MON2: variants seen among roughly 807,000 people sequenced by gnomAD.
The protein encoded by MON2 is MON2 regulator of endosome-to-Golgi trafficking, also known as protein MON2 homolog.
A neutral mutation model predicts 208.6 loss-of-function variants in MON2; 84 were observed. That is an observed-to-expected ratio of 0.40 (90% CI 0.34 to 0.48). The LOEUF is 0.48. Ranked by LOEUF, MON2 falls within the 20% of genes least tolerant of loss-of-function variation. The pLI is 0.59. For synonymous variants in MON2, 660 were observed against 694.0 expected, an observed-to-expected ratio of 0.95 and a Z score of 0.77; for missense variants, 1,611 against 2,015.4, an observed-to-expected ratio of 0.80 and a Z score of 3.84.
At chr12:62,507,889 C>T (rs2071186875) in intron 7 of MON2, among the ~76,000 whole-genome samples, 1 of 152,130 alleles carries the variant, frequency 6.6e-6, no homozygotes, top group Non-Finnish European at 1.5e-5. Context: ...CCACCTCAGC[C>T]TCCCAAATTG....
rs869193690 is a variant in MON2 at position 62,557,962 on chromosome 12, ATTTTTTTTTT to A, written c.3409+1790_3409+1799del. Among the ~76,000 whole-genome samples the A allele has an allele frequency of 4.8e-4, 10 of 20,862 alleles. No homozygotes were observed. The East Asian group carries it at 0.024, about 49-fold the overall frequency. The allele number at this position is 20,862 out of a possible 152,430, so 13.7% of individuals were successfully genotyped here. A position where few individuals can be genotyped will look rare whatever the true frequency, so the allele number is the denominator to read the frequency against. ...TATATATATATATATATATATATAT[ATTTTTTTTTT>A]TTTTTTTTTTTTTTTTTTTGAGATG... On this transcript the variant is annotated intron_variant, in intron 25 of 34. Transcript: ENST00000393630.
At chr12:62,589,363 C>T (rs7953138) in intron 34 of MON2, among the ~76,000 whole-genome samples, 53,689 of 152,004 alleles carry the variant, frequency 0.35, 10,094 homozygotes, top group Middle Eastern at 0.45. Context: ...AAGTAGATTC[C>T]TAGTAAATTA....
chr12:62,505,417 A>G (rs778887426), intron 7 of MON2, among the ~76,000 whole-genome samples: 4 of 152,170 alleles, frequency 2.6e-5, no homozygotes, highest in Non-Finnish European at 4.4e-5. Flanking sequence ...AGGGCATGGT[A>G]CTCTGGAACT....
At chr12:62,532,781 TC>T in intron 12 of MON2, 111 bp downstream of exon 12, 1 of 744,374 alleles carries the variant, frequency 1.3e-6, no homozygotes. Flanking sequence ...TTAACCACTT[TC>T]CCACATTTAC....
At chr12:62,557,962 ATT>A (rs869193690) in intron 25 of MON2, among the ~76,000 whole-genome samples, 20 of 20,828 alleles carry the variant, frequency 9.6e-4, no homozygotes, top group Non-Finnish European at 1.1e-3. Context: ...ATATATATAT[ATT>A]TTTTTTTTTT....
intron 8 of MON2, among the ~76,000 whole-genome samples, chr12:62,512,549 T>C (rs549190193): frequency 6.6e-6 from 1 of 152,322 alleles, no homozygotes; most frequent in South Asian, 2.1e-4. Flanking sequence ...CTTGGGCAGC[T>C]CCACTCCTGT....
rs1369243475 is a variant in MON2, at chr12:62,565,228, CT to C, written c.4033-5del. On this transcript the variant is annotated splice_polypyrimidine_tract_variant and splice_region_variant and intron_variant, in intron 26 of 34. Coordinates refer to ENST00000393630, the MANE Select transcript of MON2 (RefSeq NM_015026.3). Reference sequence around the variant, plus strand: ...TATGCATTCTAATGTTCTTATTTTGCTTTTATAGGCCATTTGTGTAGGACCA... The same window carrying C: ...TATGCATTCTAATGTTCTTATTTTGCTTTATAGGCCATTTGTGTAGGACCA... 3 of 1,610,558 alleles carry C rather than the reference CT, an allele frequency of 1.9e-6. No homozygotes were observed. Among genetic ancestry groups the C allele is most frequent in the Non-Finnish European group, 2.5e-6 (3 of 1,178,126 alleles).
At chr12:62,468,164 A>AC (rs981566621) in intron 1 of MON2, among the ~76,000 whole-genome samples, 2 of 151,236 alleles carry the variant, frequency 1.3e-5, no homozygotes, top group Admixed American at 1.3e-4. Context: ...CTAAAAAAAA[A>AC]AAACAAACAA....
chr12:62,499,101 T>G (rs565510668), intron 5 of MON2, 53 bp downstream of exon 5: 1 of 1,580,106 alleles, frequency 6.3e-7, no homozygotes, highest in South Asian at 1.2e-5. Context: ...ATGATTTCAT[T>G]TGTATTAACT....
chr12:62,592,966 T>C lies in MON2; in HGVS notation c.*217T>C. ...ACAGCAGTGTAAGGCTTTAATAAAT[T>C]AAACTGATGGGAGGGATAATTAACA... On this transcript the variant is annotated 3_prime_UTR_variant, in exon 35 of 35. Transcript: ENST00000393630. 4.8e-6 allele frequency: 2 copies of C among 416,196 alleles called. No homozygotes were observed. The highest frequency in any genetic ancestry group is 1.2e-4 in the South Asian group (2 of 17,238). 25.8% of individuals were successfully genotyped at this position (416,196 alleles called of 1,614,324 possible). A position where few individuals can be genotyped will look rare whatever the true frequency, so the allele number is the denominator to read the frequency against.
At chr12:62,580,511 T>C in intron 32 of MON2, 91 bp downstream of exon 32, 1 of 1,122,304 alleles carries the variant, frequency 8.9e-7, no homozygotes, top group Non-Finnish European at 1.3e-6. Context: ...TTTGGTAATG[T>C]AAACTGGAGA....
At chr12:62,591,879 A>G (rs1290157398) in intron 34 of MON2, among the ~76,000 whole-genome samples, 1 of 152,208 alleles carries the variant, frequency 6.6e-6, no homozygotes, top group Non-Finnish European at 1.5e-5. Flanking sequence ...AATACCTAAA[A>G]GTCTAAAAAA....
chr12:62,467,302 T>G lies in MON2; in HGVS notation c.95T>G (p.Phe32Cys). The G allele has an allele frequency of 6.2e-7, 1 of 1,613,926 alleles. No homozygotes were observed. The highest frequency in any genetic ancestry group is 8.5e-7 in the Non-Finnish European group (1 of 1,179,940). Reference protein sequence around the residue: ...RALSLECKKKFPPVKEAAESG... With the variant: ...RALSLECKKKCPPVKEAAESG... ...TTGTCACTGGAGTGCAAGAAGAAAT[T>G]CCCACCTGTCAAAGAGGTAAGCTTC... The change falls in exon 1 of 35, where the codon TTC (phenylalanine) becomes TGC (cysteine). Residue 32 changes from phenylalanine to cysteine, a missense_variant. Physicochemically the swap from Phe to Cys is radical, Grantham distance 205. Transcript: ENST00000393630.
At chr12:62,491,201 A>G (rs537789955) in intron 2 of MON2, among the ~76,000 whole-genome samples, 1 of 152,318 alleles carries the variant, frequency 6.6e-6, no homozygotes, top group Admixed American at 6.5e-5. Context: ...TGGTAAGATG[A>G]ATAAAGCACC....
chr12:62,547,866 G>A (rs543688070), intron 22 of MON2, among the ~76,000 whole-genome samples: 3 of 152,048 alleles, frequency 2.0e-5, no homozygotes, highest in East Asian at 1.9e-4. Flanking sequence ...ATATAGCCCC[G>A]GTGTGTAGTA....
chr12:62,522,666 C>T (rs2072113520), intron 8 of MON2, among the ~76,000 whole-genome samples: 1 of 152,180 alleles, frequency 6.6e-6, no homozygotes, highest in Non-Finnish European at 1.5e-5. Context: ...AAGTGCTAAT[C>T]TTAATACCTG....
chr12:62,469,274 C>T (rs547425007), intron 1 of MON2, among the ~76,000 whole-genome samples: 24 of 152,100 alleles, frequency 1.6e-4, no homozygotes, highest in South Asian at 1.0e-3. Context: ...TGAGCCCAGG[C>T]GGTCAAGGCT....
chr12:62,534,779 C>T (rs2136228970), intron 12 of MON2, 66 bp from the exon 13 acceptor site: 6 of 1,162,742 alleles, frequency 5.2e-6, no homozygotes, highest in Non-Finnish European at 6.3e-6. Context: ...TTTAGAATTT[C>T]ACATATTAAT....
chr12:62,576,202 A>G (rs2074773936), intron 30 of MON2, among the ~76,000 whole-genome samples: 1 of 152,146 alleles, frequency 6.6e-6, no homozygotes, highest in Non-Finnish European at 1.5e-5. Flanking sequence ...TGCTAAGCGG[A>G]AGAAACTAGA....
Sources: gnomAD v4.1 joint callset for allele counts (sites outside exome capture counted in the v4.1 genomes callset) on GRCh38, gnomAD v4.1.1 for gene constraint, MANE v1.5 for transcripts, NCBI Gene and HGNC (gene_info 2026-07-23, HGNC 2026-07-21) for gene names.